Variants in CSMD1 observed in about 807,000 individuals in gnomAD.
CSMD1 encodes CUB and Sushi multiple domains 1.
CSMD1 carries 213 observed loss-of-function variants against 417.5 expected under a neutral mutation model. The observed-to-expected ratio is 0.51, with a 90% CI of 0.46 to 0.57. The LOEUF (loss-of-function observed/expected upper bound fraction) is 0.57. CSMD1 is among the 20% of genes least tolerant of loss of function. The probability of loss-of-function intolerance (pLI) is 0.00; values close to 1 mark genes in which losing one functional copy is unlikely to be tolerated. For synonymous variants in CSMD1, 2,862 were observed against 1,736.8 expected, an observed-to-expected ratio of 1.65 and a Z score of -16.11; for missense variants, 6,923 against 4,529.7, an observed-to-expected ratio of 1.53 and a Z score of -15.17.
chr8:4,121,238 C>T (rs548038677), intron 3 of CSMD1, among the ~76,000 whole-genome samples: 153 of 152,210 alleles, frequency 1.0e-3, no homozygotes, highest in African/African-American at 3.4e-3. Context: ...CCTCAGCCTC[C>T]CAGCTATCTG....
At chr8:4,759,528 T>C (rs372811863) in intron 1 of CSMD1, among the ~76,000 whole-genome samples, 2 of 152,178 alleles carry the variant, frequency 1.3e-5, no homozygotes, top group Admixed American at 1.3e-4. Flanking sequence ...AAGCCCAGCA[T>C]GCACTAGGAT....
At chr8:3,153,870 T>G (rs1819351255) in intron 39 of CSMD1, among the ~76,000 whole-genome samples, 1 of 152,218 alleles carries the variant, frequency 6.6e-6, no homozygotes, top group Admixed American at 6.5e-5. Flanking sequence ...AAAACCACGG[T>G]AATCCTTTGT....
chr8:3,100,603 C>G (rs140061661), intron 46 of CSMD1, among the ~76,000 whole-genome samples: 89 of 152,270 alleles, frequency 5.8e-4, no homozygotes, highest in Middle Eastern at 3.4e-3. Flanking sequence ...CAAAAACACA[C>G]GTGAAAGCTT....
At chr8:3,206,196 C>A (rs1272547977) in intron 30 of CSMD1, among the ~76,000 whole-genome samples, 1 of 134,638 alleles carries the variant, frequency 7.4e-6, no homozygotes, top group African/African-American at 2.9e-5. Flanking sequence ...AAAGTTAGGG[C>A]TTACAAAATA....
chr8:4,149,456 G>C (rs943477237), intron 3 of CSMD1, among the ~76,000 whole-genome samples: 1 of 152,080 alleles, frequency 6.6e-6, no homozygotes, highest in African/African-American at 2.4e-5. Context: ...CCAATAAAAG[G>C]AAATCTTCCA....
intron 5 of CSMD1, among the ~76,000 whole-genome samples, chr8:3,828,467 A>G (rs1207084391): frequency 6.6e-6 from 1 of 152,190 alleles, no homozygotes; most frequent in Non-Finnish European, 1.5e-5. Context: ...AACCCATGTG[A>G]ATACAGAAAA....
At chr8:3,991,272 A>C (rs181353549) in intron 5 of CSMD1, among the ~76,000 whole-genome samples, 132 of 152,330 alleles carry the variant, frequency 8.7e-4, no homozygotes, top group Admixed American at 1.4e-3. Context: ...CTGGTATTGA[A>C]AGAAGTTCGC....
intron 3 of CSMD1, among the ~76,000 whole-genome samples, chr8:4,328,805 C>T (rs1257356320): frequency 2.0e-5 from 3 of 152,140 alleles, no homozygotes; most frequent in African/African-American, 4.8e-5. Context: ...AAATAAACTT[C>T]CAAAAATAAC....
intron 3 of CSMD1, among the ~76,000 whole-genome samples, chr8:4,314,656 C>T (rs1405799924): frequency 6.6e-6 from 1 of 151,924 alleles, no homozygotes; most frequent in Non-Finnish European, 1.5e-5. Flanking sequence ...ATTACATTAC[C>T]ATTTGTGAGT....
Position 4,465,713 on chromosome 8 carries a change from G to T in CSMD1, c.303-45648C>A, listed in dbSNP as rs1212686746. Among the ~76,000 whole-genome samples, 4 of 152,280 alleles carry T rather than the reference G, an allele frequency of 2.6e-5. No individual in the cohort carries two copies. In the East Asian group the frequency reaches 5.8e-4, roughly 22 times the overall value. On this transcript the variant is annotated intron_variant, in intron 2 of 69. Coordinates refer to ENST00000635120, the MANE Select transcript of CSMD1 (RefSeq NM_033225.6). ...ACCATTAAAGGAAGAAGAATGGTAGGAAAGGATGCTGGTGTTTGGAGGAAC... is the reference window on the plus strand; with the variant it reads ...ACCATTAAAGGAAGAAGAATGGTAGTAAAGGATGCTGGTGTTTGGAGGAAC...
intron 3 of CSMD1, among the ~76,000 whole-genome samples, chr8:4,161,656 A>T (rs1797177933): frequency 1.3e-5 from 2 of 152,204 alleles, no homozygotes; most frequent in East Asian, 3.9e-4. Flanking sequence ...TTCCAACGTC[A>T]ACAACAGCCA....
intron 12 of CSMD1, among the ~76,000 whole-genome samples, chr8:3,419,358 G>C (rs951601138): frequency 1.3e-5 from 2 of 152,104 alleles, no homozygotes; most frequent in African/African-American, 4.8e-5. Flanking sequence ...TGAAAATGAA[G>C]GATGAAGGTG....
chr8:4,151,250 G>C (rs1563191472), intron 3 of CSMD1, among the ~76,000 whole-genome samples: 1 of 152,072 alleles, frequency 6.6e-6, no homozygotes, highest in Non-Finnish European at 1.5e-5. Flanking sequence ...TACTTGGAAA[G>C]CTAAAATATT....
At chr8:3,085,114 A>C (rs578048163) in intron 49 of CSMD1, among the ~76,000 whole-genome samples, 1 of 152,274 alleles carries the variant, frequency 6.6e-6, no homozygotes, top group Non-Finnish European at 1.5e-5. Context: ...GGAAAATTCC[A>C]CTTTAACAAT....
intron 1 of CSMD1, among the ~76,000 whole-genome samples, chr8:4,678,265 G>C (rs935095501): frequency 6.6e-6 from 1 of 151,864 alleles, no homozygotes; most frequent in Non-Finnish European, 1.5e-5. Context: ...ACAAAAATTA[G>C]CCAGGTGTGG....
intron 4 of CSMD1, among the ~76,000 whole-genome samples, chr8:4,030,746 CACA>C (rs1253088189): frequency 6.6e-6 from 1 of 152,158 alleles, no homozygotes; most frequent in African/African-American, 2.4e-5. Context: ...TCTTTTCTAT[CACA>C]TTGTCAGACT....
intron 3 of CSMD1, among the ~76,000 whole-genome samples, chr8:4,186,448 A>G (rs774357469): frequency 3.9e-5 from 6 of 152,120 alleles, no homozygotes; most frequent in Non-Finnish European, 5.9e-5. Flanking sequence ...CCAGGTTTCC[A>G]CCTTGTAAAA....
At chr8:2,955,332 A>G (rs1444456640) in intron 64 of CSMD1, among the ~76,000 whole-genome samples, 1 of 152,210 alleles carries the variant, frequency 6.6e-6, no homozygotes, top group Non-Finnish European at 1.5e-5. Flanking sequence ...GGCTTGAAAT[A>G]ATGCAATCAT....
intron 10 of CSMD1, among the ~76,000 whole-genome samples, chr8:3,568,785 G>T (rs905724825): frequency 1.3e-5 from 2 of 152,016 alleles, no homozygotes; most frequent in Admixed American, 6.6e-5. Context: ...GATGTTAGTA[G>T]AAGACAGGTC....
Sources: allele counts gnomAD v4.1 joint callset (sites outside exome capture counted in the v4.1 genomes callset), GRCh38; gene constraint gnomAD v4.1.1; transcripts MANE v1.5; gene names NCBI Gene and HGNC (gene_info 2026-07-23, HGNC 2026-07-21).